The following AFF2 variants were observed in gnomAD, a reference collection of about 807,000 sequenced individuals.
AFF2 encodes AF4/FMR2 family member 2.
A neutral mutation model predicts 76.9 loss-of-function variants in AFF2; 14 were observed. That is an observed-to-expected ratio of 0.18 (90% CI 0.12 to 0.28). AFF2 has a LOEUF of 0.28. Ranked by LOEUF, AFF2 falls within the 10% of genes least tolerant of loss-of-function variation. The pLI is 1.00. For missense variants in AFF2, 868 were observed against 1,001.1 expected (o/e 0.87, Z 1.79); for synonymous variants, 398 against 366.7 (o/e 1.09, Z -0.98).
chrX:148,521,659 T>C (rs1557234530), intron 1 of AFF2, among the ~76,000 whole-genome samples: 1 of 111,728 alleles, frequency 9.0e-6, no homozygotes, highest in Admixed American at 9.5e-5. Flanking sequence ...TGTCCTGATG[T>C]GAAAGTCAGG....
intron 5 of AFF2, among the ~76,000 whole-genome samples, chrX:148,839,971 T>C (rs1386712346): frequency 9.2e-6 from 1 of 109,110 alleles, no homozygotes; most frequent in Admixed American, 1.0e-4. Flanking sequence ...ATGGATTTTC[T>C]AGGTAAAATA....
At chrX:148,593,288 CAAG>C in intron 1 of AFF2, among the ~76,000 whole-genome samples, 1 of 112,305 alleles carries the variant, frequency 8.9e-6, no homozygotes, top group East Asian at 2.8e-4. Context: ...TAGCTACTGA[CAAG>C]GAGTCTAGAA....
intron 9 of AFF2, among the ~76,000 whole-genome samples, chrX:148,927,504 T>TCAC (rs1158737503): frequency 9.1e-6 from 1 of 110,442 alleles, no homozygotes; most frequent in African/African-American, 3.3e-5. Context: ...TCGTACATTC[T>TCAC]CACACTCTAC....
chrX:148,555,923 G>A (rs781934269), intron 1 of AFF2, among the ~76,000 whole-genome samples: 3 of 112,290 alleles, frequency 2.7e-5, no homozygotes, highest in African/African-American at 9.7e-5. Context: ...AAAGAGACAC[G>A]TAAACCACAC....
At chrX:148,971,304 T>C (rs1300227054) in intron 15 of AFF2, among the ~76,000 whole-genome samples, 1 of 102,589 alleles carries the variant, frequency 9.7e-6, no homozygotes, top group Non-Finnish European at 2.0e-5. Flanking sequence ...CACTGTCCTT[T>C]TGTCTAAGTG....
At chrX:148,727,195 T>A (rs782756985) in intron 3 of AFF2, among the ~76,000 whole-genome samples, 1 of 108,087 alleles carries the variant, frequency 9.3e-6, no homozygotes, top group East Asian at 2.8e-4. Flanking sequence ...ATGGACAAAT[T>A]TTTTTTTTCA....
At chrX:148,988,822 A>G (rs1414367961) in intron 20 of AFF2, among the ~76,000 whole-genome samples, 1 of 112,134 alleles carries the variant, frequency 8.9e-6, no homozygotes, top group Non-Finnish European at 1.9e-5. Flanking sequence ...ATGTGCCAGG[A>G]ACTGCACTAT....
intron 3 of AFF2, among the ~76,000 whole-genome samples, chrX:148,699,635 G>A (rs2124512049): frequency 9.0e-6 from 1 of 110,913 alleles, no homozygotes; most frequent in African/African-American, 3.3e-5. Flanking sequence ...TCTGTATTTA[G>A]GTCTTTGAAG....
At chrX:148,862,382 A>T (rs2070858205) in intron 7 of AFF2, among the ~76,000 whole-genome samples, 1 of 111,124 alleles carries the variant, frequency 9.0e-6, no homozygotes. Context: ...TGTTTTGAGA[A>T]TGCAAACACG....
At chrX:148,690,669 C>T (rs1557260694) in intron 3 of AFF2, among the ~76,000 whole-genome samples, 1 of 112,452 alleles carries the variant, frequency 8.9e-6, no homozygotes, top group Non-Finnish European at 1.9e-5. Context: ...CAGTTAAGAG[C>T]ATGTGCTCAG....
intron 9 of AFF2, among the ~76,000 whole-genome samples, chrX:148,912,106 G>A (rs2071475961): frequency 8.9e-6 from 1 of 112,442 alleles, no homozygotes; most frequent in African/African-American, 3.2e-5. Context: ...CAGAGCTGGA[G>A]GCCATTATCC....
intron 3 of AFF2, among the ~76,000 whole-genome samples, chrX:148,737,423 G>A (rs1217912069): frequency 1.8e-5 from 2 of 111,265 alleles, no homozygotes; most frequent in Admixed American, 9.6e-5. Context: ...TTGCTTGGTC[G>A]CTGTGGTGTA....
At chrX:148,630,067 T>C (rs782275458) in intron 1 of AFF2, among the ~76,000 whole-genome samples, 17 of 111,700 alleles carry the variant, frequency 1.5e-4, no homozygotes, top group Non-Finnish European at 2.4e-4. Flanking sequence ...ATACATTCCA[T>C]TTTACCTAGT....
chrX:148,897,958 A>G (rs2071313792), intron 8 of AFF2, among the ~76,000 whole-genome samples: 1 of 112,344 alleles, frequency 8.9e-6, no homozygotes, highest in Non-Finnish European at 1.9e-5. Context: ...ATTAGTGTCA[A>G]CAGATGACTT....
At chrX:148,508,838 G>A (rs782350021) in intron 1 of AFF2, among the ~76,000 whole-genome samples, 1 of 111,319 alleles carries the variant, frequency 9.0e-6, no homozygotes, top group East Asian at 2.8e-4. Flanking sequence ...GTGTGTAGAC[G>A]TTAATCAGGT....
At chrX:148,799,560 T>C (rs2070029951) in intron 3 of AFF2, among the ~76,000 whole-genome samples, 1 of 111,757 alleles carries the variant, frequency 8.9e-6, no homozygotes. Context: ...GAAAAGAAAA[T>C]CACATAAAAG....
rs148340330 is a variant in AFF2 at position 148,847,064 on chromosome X, C to G, written c.1262+3631C>G. Among the ~76,000 whole-genome samples the G allele has an allele frequency of 5.8e-3, 640 of 110,898 alleles. 5 individuals carry two copies. Among genetic ancestry groups the G allele is most frequent in the African/African-American group, 0.02 (616 of 30,481 alleles). On this transcript the variant is annotated intron_variant, in intron 7 of 20. Coordinates refer to ENST00000370460, the MANE Select transcript of AFF2 (RefSeq NM_002025.4). ...TACAGGTGCCCGCCACCTGTAGTTTCTTAATGAAGTTATTAAAGAGCAGTG... is the reference window on the plus strand; with the variant it reads ...TACAGGTGCCCGCCACCTGTAGTTTGTTAATGAAGTTATTAAAGAGCAGTG...
chrX:148,587,440 T>C (rs1434827212), intron 1 of AFF2, among the ~76,000 whole-genome samples: 1 of 112,258 alleles, frequency 8.9e-6, no homozygotes, highest in Non-Finnish European at 1.9e-5. Context: ...AATTTTGTAA[T>C]ACTTAGTGTG....
chrX:148,586,612 A>C (rs1453089128), intron 1 of AFF2, among the ~76,000 whole-genome samples: 2 of 112,307 alleles, frequency 1.8e-5, no homozygotes, highest in African/African-American at 3.2e-5. Flanking sequence ...ATTTGAGACA[A>C]AGAATTCTTC....
Sources: gnomAD v4.1 joint callset for allele counts (sites outside exome capture counted in the v4.1 genomes callset) on GRCh38, gnomAD v4.1.1 for gene constraint, MANE v1.5 for transcripts, NCBI Gene and HGNC (gene_info 2026-07-23, HGNC 2026-07-21) for gene names.